TAFA1: variants seen among roughly 807,000 people sequenced by gnomAD.
The protein encoded by TAFA1 is TAFA chemokine like family member 1, also known as chemokine-like protein TAFA-1.
A neutral mutation model predicts 18.5 loss-of-function variants in TAFA1; 4 were observed. That is an observed-to-expected ratio of 0.22 (90% CI 0.11 to 0.49). The LOEUF is 0.49. Among genes scored for constraint, TAFA1 ranks in the 20% least tolerant of loss-of-function variants. TAFA1 has a pLI of 0.98. For missense variants in TAFA1, 147 were observed against 169.0 expected (o/e 0.87, Z 0.72); for synonymous variants, 56 against 55.2 (o/e 1.01, Z -0.06).
intron 2 of TAFA1, among the ~76,000 whole-genome samples, chr3:68,138,711 A>G (rs2065635929): frequency 1.3e-5 from 2 of 152,216 alleles, no homozygotes; most frequent in African/African-American, 4.8e-5. Context: ...CTACATGAGC[A>G]GTTTATATAA....
intron 2 of TAFA1, among the ~76,000 whole-genome samples, chr3:68,416,944 G>C (rs1015633233): frequency 1.3e-5 from 2 of 152,120 alleles, no homozygotes; most frequent in African/African-American, 4.8e-5. Context: ...TGATAACACA[G>C]AAGATGGCTC....
intron 3 of TAFA1, among the ~76,000 whole-genome samples, chr3:68,483,266 T>C (rs989507604): frequency 1.4e-5 from 2 of 141,222 alleles, no homozygotes; most frequent in Admixed American, 7.2e-5. Context: ...ACATTTTCTG[T>C]AAAGAACAGA....
chr3:68,037,403 T>C (rs1575585867), intron 2 of TAFA1, among the ~76,000 whole-genome samples: 2 of 152,308 alleles, frequency 1.3e-5, no homozygotes, highest in South Asian at 4.1e-4. Flanking sequence ...CCACAAACCA[T>C]GGGTCCTATA....
At chr3:68,382,074 A>G (rs2069974228) in intron 2 of TAFA1, among the ~76,000 whole-genome samples, 1 of 152,076 alleles carries the variant, frequency 6.6e-6, no homozygotes, top group African/African-American at 2.4e-5. Context: ...TATATGCTGG[A>G]TTACATTTAT....
chr3:68,385,255 C>A (rs1157510016), intron 2 of TAFA1, among the ~76,000 whole-genome samples: 1 of 152,038 alleles, frequency 6.6e-6, no homozygotes, highest in Non-Finnish European at 1.5e-5. Context: ...AGTTGTTTCC[C>A]ATAGGTGGGA....
At chr3:68,077,790 G>C (rs994855938) in intron 2 of TAFA1, among the ~76,000 whole-genome samples, 1 of 151,878 alleles carries the variant, frequency 6.6e-6, no homozygotes, top group Non-Finnish European at 1.5e-5. Context: ...TTGGCGATGC[G>C]GGCTCTTTTT....
At chr3:68,077,715 A>T (rs368501700) in intron 2 of TAFA1, among the ~76,000 whole-genome samples, 4,173 of 150,746 alleles carry the variant, frequency 0.028, 234 homozygotes, top group African/African-American at 0.098. Flanking sequence ...ACTGTAGCCT[A>T]GTAGTATAGT....
chr3:68,148,241 T>C (rs2065766533), intron 2 of TAFA1, among the ~76,000 whole-genome samples: 1 of 152,242 alleles, frequency 6.6e-6, no homozygotes, highest in Non-Finnish European at 1.5e-5. Context: ...AAATTTGTCC[T>C]ACCTCTGGTA....
At chr3:68,261,084 A>G (rs1345894220) in intron 2 of TAFA1, among the ~76,000 whole-genome samples, 1 of 151,316 alleles carries the variant, frequency 6.6e-6, no homozygotes, top group African/African-American at 2.4e-5. Context: ...GAAAAAAAAA[A>G]CCATCAAAAA....
chr3:68,346,239 C>T (rs72626985), intron 2 of TAFA1, among the ~76,000 whole-genome samples: 3,586 of 152,242 alleles, frequency 0.024, 65 homozygotes, highest in East Asian at 0.096. Context: ...TCACTGCAGC[C>T]TCACCCTCCT....
At chr3:68,218,269 T>G (rs2066685091) in intron 2 of TAFA1, among the ~76,000 whole-genome samples, 1 of 152,172 alleles carries the variant, frequency 6.6e-6, no homozygotes, top group Admixed American at 6.6e-5. Context: ...CAAACAGCTT[T>G]AAGAAATAAA....
intron 2 of TAFA1, among the ~76,000 whole-genome samples, chr3:68,187,619 G>A (rs931732074): frequency 4.6e-5 from 7 of 152,118 alleles, no homozygotes; most frequent in Admixed American, 2.0e-4. Flanking sequence ...ACAATGCCAT[G>A]AACTTTCTTA....
intron 2 of TAFA1, among the ~76,000 whole-genome samples, chr3:68,120,404 G>A (rs1054377626): frequency 1.3e-5 from 2 of 151,792 alleles, no homozygotes; most frequent in African/African-American, 4.8e-5. Context: ...GTACAGCACT[G>A]CACCTGGCTA....
intron 2 of TAFA1, among the ~76,000 whole-genome samples, chr3:68,349,627 T>C (rs560010925): frequency 6.6e-6 from 1 of 152,236 alleles, no homozygotes; most frequent in South Asian, 2.1e-4. Flanking sequence ...GTAACTATTT[T>C]AGGCTTTGAG....
At chr3:68,169,791 G>C (rs569639710) in intron 2 of TAFA1, among the ~76,000 whole-genome samples, 22 of 152,270 alleles carry the variant, frequency 1.4e-4, no homozygotes, top group African/African-American at 5.3e-4. Flanking sequence ...GTAGAGAAAG[G>C]CAACTTCAAT....
At chr3:68,347,999 C>G (rs1364531050) in intron 2 of TAFA1, among the ~76,000 whole-genome samples, 2 of 152,106 alleles carry the variant, frequency 1.3e-5, no homozygotes, top group African/African-American at 4.8e-5. Context: ...AGACTTAGTG[C>G]TAGTCCTGAT....
intron 2 of TAFA1, among the ~76,000 whole-genome samples, chr3:68,121,128 A>T (rs1361286778): frequency 1.3e-5 from 2 of 152,200 alleles, no homozygotes; most frequent in Admixed American, 6.5e-5. Flanking sequence ...AAGGAAAAGT[A>T]TATTTTATTT....
chr3:68,209,053 G>A (rs1054225967), intron 2 of TAFA1, among the ~76,000 whole-genome samples: 54 of 152,006 alleles, frequency 3.6e-4, no homozygotes, highest in Non-Finnish European at 6.2e-4. Context: ...GTGCCAAGAG[G>A]GAAACCCACC....
intron 3 of TAFA1, among the ~76,000 whole-genome samples, chr3:68,493,988 G>A (rs1407130952): frequency 1.3e-5 from 2 of 152,178 alleles, no homozygotes; most frequent in African/African-American, 4.8e-5. Context: ...TGTGCTTGCT[G>A]TATAATCATG....
Sources: allele counts gnomAD v4.1 joint callset (sites outside exome capture counted in the v4.1 genomes callset), GRCh38; gene constraint gnomAD v4.1.1; transcripts MANE v1.5; gene names NCBI Gene and HGNC (gene_info 2026-07-23, HGNC 2026-07-21).